LOC122539214: variants seen among roughly 807,000 people sequenced by gnomAD.
chr19:52,680,051 T>C, the LOC122539214 span, among the ~76,000 whole-genome samples: 2 of 152,086 alleles, frequency 1.3e-5, no homozygotes, highest in South Asian at 2.1e-4. Flanking sequence ...TAGTGGCACA[T>C]GCTGGTAATC....
chr19:52,659,995 A>C, the LOC122539214 span, among the ~76,000 whole-genome samples: 1 of 152,190 alleles, frequency 6.6e-6, no homozygotes, highest in African/African-American at 2.4e-5. Context: ...GTTCGAGACC[A>C]GTCTGGCCAA....
At chr19:52,679,998 G>A in the LOC122539214 span, among the ~76,000 whole-genome samples, 1 of 152,076 alleles carries the variant, frequency 6.6e-6, no homozygotes, top group Non-Finnish European at 1.5e-5. Flanking sequence ...TGACCAACAT[G>A]GAGAAGTCCT....
At chr19:52,682,551 G>A in the LOC122539214 span, among the ~76,000 whole-genome samples, 1 of 152,006 alleles carries the variant, frequency 6.6e-6, no homozygotes, top group African/African-American at 2.4e-5. Flanking sequence ...CATACCTGTA[G>A]TCCCAGCTAC....
At chr19:52,683,766 T>C in the LOC122539214 span, among the ~76,000 whole-genome samples, 1 of 152,162 alleles carries the variant, frequency 6.6e-6, no homozygotes, top group Non-Finnish European at 1.5e-5. Flanking sequence ...AGTTGAAATT[T>C]CCAGAAGAAA....
At chr19:52,683,228 CTGTGT>C in the LOC122539214 span, among the ~76,000 whole-genome samples, 6 of 127,970 alleles carry the variant, frequency 4.7e-5, no homozygotes, top group African/African-American at 1.8e-4. Context: ...CCCTGTGACT[CTGTGT>C]GTGTGTGTGT....
the LOC122539214 span, among the ~76,000 whole-genome samples, chr19:52,665,240 T>G: frequency 2.0e-5 from 3 of 151,880 alleles, no homozygotes; most frequent in African/African-American, 7.3e-5. Flanking sequence ...AGGAGTGAGG[T>G]CACCACCTGC....
At chr19:52,678,133 GCTAA>G in the LOC122539214 span, among the ~76,000 whole-genome samples, 1 of 151,952 alleles carries the variant, frequency 6.6e-6, no homozygotes, top group African/African-American at 2.4e-5. Context: ...ACAATAATGC[GCTAA>G]CTAAAATGGT....
At chr19:52,652,463 T>C in the LOC122539214 span, 2 of 413,654 alleles carry the variant, frequency 4.8e-6, no homozygotes, top group Non-Finnish European at 9.7e-6. Context: ...ACTGCCACAA[T>C]TATCACAGTT....
At chr19:52,663,532 T>C in the LOC122539214 span, among the ~76,000 whole-genome samples, 1 of 152,132 alleles carries the variant, frequency 6.6e-6, no homozygotes, top group Admixed American at 6.6e-5. Context: ...TTTAATCAGA[T>C]GACATGAGGA....
the LOC122539214 span, among the ~76,000 whole-genome samples, chr19:52,680,775 G>A: frequency 6.2e-5 from 9 of 145,976 alleles, no homozygotes; most frequent in Admixed American, 2.7e-4. Flanking sequence ...ACTACGCCCG[G>A]CTAATTTTTT....
chr19:52,664,505 AAAG>A, the LOC122539214 span, among the ~76,000 whole-genome samples: 69 of 152,230 alleles, frequency 4.5e-4, no homozygotes, highest in South Asian at 1.7e-3. Flanking sequence ...CCAATTAAAA[AAAG>A]AAGAAGAAGG....
the LOC122539214 span, among the ~76,000 whole-genome samples, chr19:52,675,890 A>G: frequency 6.6e-6 from 1 of 152,208 alleles, no homozygotes; most frequent in African/African-American, 2.4e-5. Context: ...TGGGCAAAGG[A>G]CAAGAATGAA....
chr19:52,671,141 A>G, the LOC122539214 span, among the ~76,000 whole-genome samples: 2 of 152,232 alleles, frequency 1.3e-5, no homozygotes, highest in African/African-American at 2.4e-5. Context: ...AATATGGCAC[A>G]GAAACATGTT....
At chr19:52,660,740 C>T in the LOC122539214 span, 1 of 203,236 alleles carries the variant, frequency 4.9e-6, no homozygotes, top group Non-Finnish European at 1.1e-5. Context: ...AGAGAAGAAT[C>T]CACTGAGGAA....
chr19:52,655,444 A>T, the LOC122539214 span: 3 of 979,628 alleles, frequency 3.1e-6, no homozygotes, highest in Non-Finnish European at 4.6e-6. Context: ...TGCAGAAAAC[A>T]ATGACATGTA....
At chr19:52,676,502 G>T in the LOC122539214 span, among the ~76,000 whole-genome samples, 34 of 151,218 alleles carry the variant, frequency 2.2e-4, 1 homozygote, top group East Asian at 5.7e-3. Flanking sequence ...GGAGGGAGGT[G>T]GGGGGCAGCC....
the LOC122539214 span, among the ~76,000 whole-genome samples, chr19:52,687,178 T>C: frequency 2.4e-5 from 3 of 125,552 alleles, no homozygotes; most frequent in Non-Finnish European, 3.3e-5. Context: ...TAAAACTCCA[T>C]CTCAAAAAAA....
At chr19:52,679,182 G>C in the LOC122539214 span, among the ~76,000 whole-genome samples, 1 of 152,202 alleles carries the variant, frequency 6.6e-6, no homozygotes, top group Non-Finnish European at 1.5e-5. Flanking sequence ...CCTCATAGGA[G>C]GCTGTGAGCC....
At chr19:52,652,575 A>G in the LOC122539214 span, 3 of 434,394 alleles carry the variant, frequency 6.9e-6, no homozygotes, top group African/African-American at 4.1e-5. Flanking sequence ...TCTTTCCAGT[A>G]TGAGTTCACT....
Sources: allele counts gnomAD v4.1 joint callset (sites outside exome capture counted in the v4.1 genomes callset), GRCh38; gene constraint gnomAD v4.1.1; transcripts MANE v1.5.